MTO1: variants seen among roughly 807,000 people sequenced by gnomAD.
MTO1 encodes 5-taurinomethyluridine-[tRNA] synthase subunit MTO1, mitochondrial.
MTO1 carries 46 observed loss-of-function variants against 71.6 expected under a neutral mutation model. The observed-to-expected ratio is 0.64, with a 90% confidence interval of 0.51 to 0.82. The LOEUF (loss-of-function observed/expected upper bound fraction) is 0.82, where lower values mean the gene tolerates loss of function less well. MTO1 is among the 40% of genes least tolerant of loss of function. The probability of loss-of-function intolerance (pLI) is 0.00; values close to 1 mark genes in which losing one functional copy is unlikely to be tolerated. For missense variants in MTO1, 773 were observed against 867.5 expected (o/e 0.89, Z 1.37); for synonymous variants, 297 against 312.1 (o/e 0.95, Z 0.51).
chr6:73,469,337 G>T (rs1428269523), intron 3 of MTO1, among the ~76,000 whole-genome samples: 1 of 151,924 alleles, frequency 6.6e-6, no homozygotes, highest in Non-Finnish European at 1.5e-5. Flanking sequence ...TTTAAATGAG[G>T]CACTAGGTCG....
chr6:73,498,044 T>C, intron 11 of MTO1, 148 bp downstream of exon 11: 1 of 735,798 alleles, frequency 1.4e-6, no homozygotes, highest in Non-Finnish European at 2.1e-6. Flanking sequence ...CAAGACCCCA[T>C]CTCTACAAAA....
At position 73,461,808 on chromosome 6, in the gene MTO1, A is replaced by G. The variant is rs754718486; in HGVS notation, c.-47A>G. 7.6e-6 allele frequency: 12 copies of G among 1,581,836 alleles called. No individual in the cohort carries two copies. The highest frequency in any genetic ancestry group is 4.5e-5 in the East Asian group (2 of 44,306). On this transcript the variant is annotated 5_prime_UTR_variant, in exon 1 of 12. Transcript: ENST00000498286. ...GTCTCTTGTTGCGTAAGTTTTTTTG[A>G]CCGTCACTCGTGTCAGCTTCAAAGT...
chr6:73,482,890 C>T (rs1309676286), intron 9 of MTO1, among the ~76,000 whole-genome samples: 5 of 141,770 alleles, frequency 3.5e-5, no homozygotes, highest in African/African-American at 7.8e-5. Context: ...CTCCCGGGTT[C>T]GCGCCATTCT....
Position 73,466,314 on chromosome 6 carries a change from G to A in MTO1, c.323G>A (p.Gly108Asp). The change falls in exon 2 of 12, where the codon GGT (glycine) becomes GAT (aspartate). Residue 108 changes from glycine to aspartate, a missense_variant. Coordinates refer to ENST00000498286, the MANE Select transcript of MTO1 (RefSeq NM_012123.4). The part of the protein sequence containing the change: ...GLCSRICDQS[G>D]VHYKVLNRRK... ...TGTTCTCGCATCTGTGACCAGTCTG[G>A]TGTACATTATAAAGTATTAAACCGG... is the stretch of plus-strand genomic sequence containing the variant. 3 of 1,614,156 alleles carry A rather than the reference G, an allele frequency of 1.9e-6. No individual in the cohort carries two copies. Among genetic ancestry groups the A allele is most frequent in the Non-Finnish European group, 2.5e-6 (3 of 1,180,036 alleles).
At chr6:73,468,401 G>A (rs1342757892) in intron 3 of MTO1, among the ~76,000 whole-genome samples, 2 of 152,082 alleles carry the variant, frequency 1.3e-5, no homozygotes, top group Non-Finnish European at 2.9e-5. Context: ...TTACAGGCAT[G>A]AGCACTGTGC....
chr6:73,464,506 A>G (rs955248453), intron 1 of MTO1, among the ~76,000 whole-genome samples: 1 of 151,988 alleles, frequency 6.6e-6, no homozygotes, highest in Non-Finnish European at 1.5e-5. Flanking sequence ...TTGTCTGGGC[A>G]TGGTGGCTCA....
chr6:73,493,354 ATGTGTGTGTGTG>A (rs144509962), intron 10 of MTO1, among the ~76,000 whole-genome samples: 23 of 139,458 alleles, frequency 1.6e-4, no homozygotes, highest in African/African-American at 6.0e-4. Context: ...ATGTGCATGT[ATGTGTGTGTGTG>A]TGTGTGTGTG....
In MTO1 at chr6:73,466,620, A is replaced by G. The variant is rs754963662; in HGVS notation, c.535+14A>G. 4.4e-6 allele frequency: 7 copies of G among 1,594,702 alleles called. No individual in the cohort carries two copies. The South Asian group carries it at 7.7e-5, about 18-fold the overall frequency. On this transcript the variant is annotated intron_variant, in intron 3 of 11. Coordinates refer to ENST00000498286, the MANE Select transcript of MTO1 (RefSeq NM_012123.4). ...GGGTTGTTTTGGGTACGTATTGGTT[A>G]TAGATGGTGTATGATAACAGCATAT...
At chr6:73,496,380 A>G (rs1016700890) in intron 10 of MTO1, among the ~76,000 whole-genome samples, 6 of 152,168 alleles carry the variant, frequency 3.9e-5, no homozygotes, top group Admixed American at 6.5e-5. Context: ...TCCCTTAACT[A>G]AATTATTTAA....
intron 10 of MTO1, among the ~76,000 whole-genome samples, chr6:73,496,777 G>A (rs529078132): frequency 2.0e-5 from 3 of 151,998 alleles, no homozygotes; most frequent in Middle Eastern, 3.4e-3. Flanking sequence ...TATCTCAGCC[G>A]GGCATGGTGG....
At chr6:73,471,299 G>T (rs1771156722) in intron 3 of MTO1, among the ~76,000 whole-genome samples, 1 of 151,334 alleles carries the variant, frequency 6.6e-6, no homozygotes, top group Non-Finnish European at 1.5e-5. Context: ...CTTCCCTCAA[G>T]TAACAATTAC....
chr6:73,479,123 G>A (rs1771415990), intron 4 of MTO1, among the ~76,000 whole-genome samples: 5 of 149,234 alleles, frequency 3.4e-5, no homozygotes, highest in Non-Finnish European at 1.5e-5. Flanking sequence ...TTCTGACCTC[G>A]TGCTCCACCT....
chr6:73,476,378 C>CAAA (rs869185503), intron 4 of MTO1, among the ~76,000 whole-genome samples: 2 of 62,884 alleles, frequency 3.2e-5, no homozygotes, highest in Non-Finnish European at 6.8e-5. Flanking sequence ...GACTCCATCT[C>CAAA]AAAAAAAAAA....
chr6:73,502,802 C>T lies in MTO1; in HGVS notation c.*2067C>T, dbSNP rs1024605485. The T allele has an allele frequency of 1.3e-5, 2 of 151,078 alleles. No individual in the cohort carries two copies. Among genetic ancestry groups the T allele is most frequent in the Non-Finnish European group, 2.9e-5 (2 of 67,976 alleles). 9.4% of individuals were successfully genotyped at this position (151,078 alleles called of 1,614,324 possible). A position where few individuals can be genotyped will look rare whatever the true frequency, so the allele number is the denominator to read the frequency against. On this transcript the variant is annotated 3_prime_UTR_variant, in exon 12 of 12. Transcript: ENST00000498286. Reference sequence around the variant, plus strand: ...GTCCCAACTACTCAGGAGGCTGAGGCAAGAGAATCACTTGAACTCAGGAGG... The same window carrying T: ...GTCCCAACTACTCAGGAGGCTGAGGTAAGAGAATCACTTGAACTCAGGAGG...
intron 9 of MTO1, chr6:73,487,708 G>T (rs1451845735): frequency 2.0e-5 from 3 of 151,876 alleles, no homozygotes; most frequent in Non-Finnish European, 2.9e-5. Context: ...CGCCTTCTTA[G>T]GCAACCTGGT....
At chr6:73,462,108 C>T (rs753133749) in intron 1 of MTO1, 37 bp downstream of exon 1, 10 of 1,597,792 alleles carry the variant, frequency 6.3e-6, no homozygotes, top group South Asian at 2.2e-5. Context: ...TGGCGTAGGA[C>T]GCAGGCTGCT....
chr6:73,462,927 G>A (rs1431818961), intron 1 of MTO1, among the ~76,000 whole-genome samples: 4 of 151,862 alleles, frequency 2.6e-5, no homozygotes, highest in Admixed American at 6.6e-5. Context: ...TGCCTAACCA[G>A]TAGCTGGGAT....
At chr6:73,464,729 G>A (rs975881637) in intron 1 of MTO1, among the ~76,000 whole-genome samples, 7 of 151,542 alleles carry the variant, frequency 4.6e-5, no homozygotes, top group Non-Finnish European at 1.0e-4. Context: ...CAGCTACTTG[G>A]GAGGCTGAGG....
At chr6:73,493,504 C>T (rs1771887800) in intron 10 of MTO1, among the ~76,000 whole-genome samples, 1 of 151,884 alleles carries the variant, frequency 6.6e-6, no homozygotes, top group African/African-American at 2.4e-5. Context: ...AATTCTCCTG[C>T]CTCAGCCTCC....
Sources: gnomAD v4.1 joint callset for allele counts (sites outside exome capture counted in the v4.1 genomes callset) on GRCh38, gnomAD v4.1.1 for gene constraint, MANE v1.5 for transcripts, NCBI Gene and HGNC (gene_info 2026-07-23, HGNC 2026-07-21) for gene names.